RALGAPA2: variants seen among roughly 807,000 people sequenced by gnomAD.
RALGAPA2 encodes ral GTPase-activating protein subunit alpha-2.
A neutral mutation model predicts 230.4 loss-of-function variants in RALGAPA2; 139 were observed. That is an observed-to-expected ratio of 0.60 (90% CI 0.53 to 0.69). The LOEUF is 0.69. Among genes scored for constraint, RALGAPA2 ranks in the 30% least tolerant of loss-of-function variants. The pLI, the probability that RALGAPA2 is intolerant of heterozygous loss-of-function variation, is 0.00. For synonymous variants in RALGAPA2, 847 were observed against 837.8 expected (o/e 1.01, Z -0.19); for missense variants, 2,163 against 2,276.0 (o/e 0.95, Z 1.01).
At chr20:20,414,324 G>A (rs1278932661) in intron 37 of RALGAPA2, among the ~76,000 whole-genome samples, 1 of 152,156 alleles carries the variant, frequency 6.6e-6, no homozygotes, top group East Asian at 1.9e-4. Flanking sequence ...GCATCGTCCT[G>A]CTGTTTCCTC....
intron 38 of RALGAPA2, among the ~76,000 whole-genome samples, chr20:20,405,842 T>C (rs1016563932): frequency 1.3e-5 from 2 of 152,208 alleles, no homozygotes; most frequent in Non-Finnish European, 2.9e-5. Context: ...GTGTTTGCTC[T>C]GCATCTTGCA....
At chr20:20,677,050 A>G (rs1051026072) in intron 2 of RALGAPA2, among the ~76,000 whole-genome samples, 3 of 128,684 alleles carry the variant, frequency 2.3e-5, no homozygotes, top group Non-Finnish European at 4.8e-5. Context: ...AGTAGATATC[A>G]TTCATTCATT....
rs187798681 is a variant in RALGAPA2 at position 20,435,559 on chromosome 20, G to A, written c.5496-23411C>T. 2.2e-4 allele frequency among the ~76,000 whole-genome samples: 34 copies of A among 152,336 alleles called. 1 individual carries two copies. Among genetic ancestry groups the A allele is most frequent in the Admixed American group, 2.2e-3 (34 of 15,306 alleles). On this transcript the variant is annotated intron_variant, in intron 37 of 39. Coordinates refer to ENST00000202677, the MANE Select transcript of RALGAPA2 (RefSeq NM_020343.4). ...TCTGAAGGAGAAGAGTAGGGAACAG[G>A]GGTCACACCCTTACTAGAATGTTGG...
intron 26 of RALGAPA2, among the ~76,000 whole-genome samples, chr20:20,535,356 C>T (rs2063470990): frequency 6.6e-6 from 1 of 152,216 alleles, no homozygotes; most frequent in Non-Finnish European, 1.5e-5. Flanking sequence ...TATTTCCAGA[C>T]ACTGCCAAAT....
chr20:20,599,415 C>A (rs185185808), intron 16 of RALGAPA2, among the ~76,000 whole-genome samples: 61 of 152,228 alleles, frequency 4.0e-4, no homozygotes, highest in African/African-American at 1.3e-3. Context: ...GTCTACTTTA[C>A]GGTGTTCTTA....
chr20:20,471,789 A>G (rs1240557370), intron 37 of RALGAPA2: 5 of 152,192 alleles, frequency 3.3e-5, no homozygotes, highest in African/African-American at 1.2e-4. Flanking sequence ...GATAATTTTA[A>G]GTTGCCACAT....
intron 32 of RALGAPA2, 93 bp downstream of exon 32, chr20:20,512,420 A>G (rs551573500): frequency 1.6e-6 from 2 of 1,275,478 alleles, no homozygotes; most frequent in Non-Finnish European, 2.1e-6. Flanking sequence ...TCTCTTCCCC[A>G]ATCTTTTCTT....
chr20:20,664,974 C>T (rs991386229), intron 3 of RALGAPA2, among the ~76,000 whole-genome samples: 2 of 152,132 alleles, frequency 1.3e-5, no homozygotes, highest in African/African-American at 4.8e-5. Context: ...TCACAAACCA[C>T]ATCAAACACT....
intron 8 of RALGAPA2, among the ~76,000 whole-genome samples, chr20:20,636,151 A>G (rs1304218986): frequency 6.6e-6 from 1 of 152,198 alleles, no homozygotes; most frequent in East Asian, 1.9e-4. Context: ...AGAAAGTCAC[A>G]TTTCACCTTT....
At chr20:20,404,258 G>A (rs1214558837) in intron 38 of RALGAPA2, among the ~76,000 whole-genome samples, 1 of 152,130 alleles carries the variant, frequency 6.6e-6, no homozygotes, top group Admixed American at 6.5e-5. Context: ...CATTTTTAAG[G>A]GATTTTATTC....
chr20:20,406,530 T>C (rs745644469), intron 38 of RALGAPA2, among the ~76,000 whole-genome samples: 89 of 152,338 alleles, frequency 5.8e-4, no homozygotes, highest in Non-Finnish European at 1.1e-3. Flanking sequence ...GGCAACACTT[T>C]GGCCAGCTAC....
chr20:20,529,105 A>G (rs1011067502), intron 27 of RALGAPA2, among the ~76,000 whole-genome samples: 28 of 152,348 alleles, frequency 1.8e-4, no homozygotes, highest in African/African-American at 6.5e-4. Context: ...AGAGGAGGGC[A>G]GTGGGGAGGG....
chr20:20,635,599 G>A lies in RALGAPA2; in HGVS notation c.824C>T (p.Pro275Leu). ...KPVLDIPHLRPKPVYITTTRD... is the reference protein window; with the variant it reads ...KPVLDIPHLRLKPVYITTTRD... ...AGTGGTAGTAATGTACACAGGCTTTGGTCTCAAATGGGGGATGTCTGGTAG... is the reference window on the plus strand; with the variant it reads ...AGTGGTAGTAATGTACACAGGCTTTAGTCTCAAATGGGGGATGTCTGGTAG... The change falls in exon 9 of 40, where the codon CCA becomes CTA. Residue 275 changes from proline to leucine, a missense_variant. By Grantham distance (98) the Pro-to-Leu change is moderately conservative. Transcript: ENST00000202677. The A allele has an allele frequency of 1.9e-6, 3 of 1,549,494 alleles. No individual in the cohort carries two copies. The highest frequency in any genetic ancestry group is 2.4e-5 in the East Asian group (1 of 41,528).
intron 20 of RALGAPA2, among the ~76,000 whole-genome samples, chr20:20,578,166 T>C (rs1398786812): frequency 6.6e-6 from 1 of 152,130 alleles, no homozygotes; most frequent in Non-Finnish European, 1.5e-5. Context: ...GTTTCCTCAG[T>C]ATTACTATGA....
At chr20:20,393,886 T>G (rs1456925435) in intron 39 of RALGAPA2, among the ~76,000 whole-genome samples, 2 of 152,184 alleles carry the variant, frequency 1.3e-5, no homozygotes, top group African/African-American at 4.8e-5. Context: ...AATACAAGAA[T>G]GCCTGCTGCA....
intron 24 of RALGAPA2, among the ~76,000 whole-genome samples, chr20:20,537,619 C>CAAAAAA (rs373034061): frequency 4.9e-5 from 2 of 41,094 alleles, no homozygotes; most frequent in Non-Finnish European, 1.2e-4. Flanking sequence ...GACTCCATCT[C>CAAAAAA]AAAAAAAAAA....
intron 9 of RALGAPA2, among the ~76,000 whole-genome samples, chr20:20,633,534 C>A (rs112423972): frequency 0.011 from 1,687 of 152,300 alleles, 29 homozygotes; most frequent in African/African-American, 0.039. Context: ...GTCGCCCAGG[C>A]TGGAGTGCAG....
At chr20:20,639,449 G>A (rs1443238544) in intron 7 of RALGAPA2, among the ~76,000 whole-genome samples, 1 of 152,164 alleles carries the variant, frequency 6.6e-6, no homozygotes, top group Non-Finnish European at 1.5e-5. Flanking sequence ...CTTCCCTTCA[G>A]ATCCCCTGGT....
rs1186184601 is a variant in RALGAPA2, at chr20:20,616,188, AT to A, written c.1542del (p.Leu516Ter). 6.6e-7 allele frequency: 1 copy of A among 1,505,336 alleles called. No homozygotes were observed. Among genetic ancestry groups the A allele is most frequent in the East Asian group, 2.5e-5 (1 of 40,454 alleles). The allele number at this position is 1,505,336 out of a possible 1,614,324, so 93.2% of individuals were successfully genotyped here. ...VKAGVQALLQ[V>X]FLTNSANIFL... is the part of the protein sequence containing the mutation. ...AAGATGTTTGCAGAGTTCGTCAAAA[AT>A]ACCTTAAAATCAACAACTTTACATT... On this transcript the variant is annotated frameshift_variant and splice_region_variant, in exon 13 of 40. Transcript: ENST00000202677. LOFTEE classifies it high-confidence loss of function.
Sources: allele counts gnomAD v4.1 joint callset (sites outside exome capture counted in the v4.1 genomes callset), GRCh38; gene constraint gnomAD v4.1.1; transcripts MANE v1.5; gene names NCBI Gene and HGNC (gene_info 2026-07-23, HGNC 2026-07-21).